Variants in CD28 observed in about 807,000 individuals in gnomAD.
CD28 encodes the protein CD28 molecule, also known as T-cell-specific surface glycoprotein CD28.
CD28 carries 8 observed loss-of-function variants against 21.4 expected under a neutral mutation model. That is an observed-to-expected ratio of 0.37 (90% CI 0.22 to 0.68). CD28 has a LOEUF of 0.68. CD28 is among the 30% of genes least tolerant of loss of function. The probability of loss-of-function intolerance (pLI) is 0.55; values close to 1 mark genes in which losing one functional copy is unlikely to be tolerated. For synonymous variants in CD28, 106 were observed against 104.0 expected (o/e 1.02, Z -0.12); for missense variants, 239 against 272.2 (o/e 0.88, Z 0.86).
chr2:203,729,105 G>C (rs1000319800), intron 2 of CD28, among the ~76,000 whole-genome samples: 7 of 152,022 alleles, frequency 4.6e-5, no homozygotes, highest in Non-Finnish European at 1.0e-4. Context: ...AATTCTATAG[G>C]TTCCTTCTCA....
intron 2 of CD28, among the ~76,000 whole-genome samples, chr2:203,728,651 A>G (rs1559556186): frequency 6.6e-6 from 1 of 152,230 alleles, no homozygotes; most frequent in Non-Finnish European, 1.5e-5. Flanking sequence ...TAGATTTCTA[A>G]TATCTGTAAT....
Position 203,735,144 on chromosome 2 carries a change from A to G in CD28, c.*232A>G, listed in dbSNP as rs1423525796. The stretch of plus-strand genomic sequence containing the variant: ...CAAGTCTTACAGTGCCATGGCCCAC[A>G]TTCCAACTTACCATGTACTTAGTGA... On this transcript the variant is annotated 3_prime_UTR_variant, in exon 4 of 4. Transcript: ENST00000324106. 1.8e-6 allele frequency: 1 copy of G among 545,716 alleles called. No individual in the cohort carries two copies. The highest frequency in any genetic ancestry group is 3.2e-6 in the Non-Finnish European group (1 of 311,108). The allele number at this position is 545,716 out of a possible 1,614,324, so 33.8% of individuals were successfully genotyped here.
At position 203,736,979 on chromosome 2, in the gene CD28, G is replaced by A. The variant is rs1694054914; in HGVS notation, c.*2067G>A. On this transcript the variant is annotated 3_prime_UTR_variant, in exon 4 of 4. Transcript: ENST00000324106. ...ACTGGGCAATAGCCTAAGAAGGGGGGAATATTGTAACACAAATTTAAACCC... is the reference window on the plus strand; with the variant it reads ...ACTGGGCAATAGCCTAAGAAGGGGGAAATATTGTAACACAAATTTAAACCC... 6.6e-6 allele frequency: 1 copy of A among 152,184 alleles called. No individual in the cohort carries two copies. Among genetic ancestry groups the A allele is most frequent in the Non-Finnish European group, 1.5e-5 (1 of 68,030 alleles). The allele number at this position is 152,184 out of a possible 1,614,324, so 9.4% of individuals were successfully genotyped here. A position where few individuals can be genotyped will look rare whatever the true frequency, so the allele number is the denominator to read the frequency against.
intron 2 of CD28, among the ~76,000 whole-genome samples, chr2:203,727,687 T>C (rs1581514198): frequency 4.2e-4 from 3 of 7,072 alleles, no homozygotes; most frequent in Middle Eastern, 0.2. Flanking sequence ...AATTAATTAA[T>C]TTTTTTTTTT....
intron 1 of CD28, among the ~76,000 whole-genome samples, chr2:203,716,873 C>T (rs776907144): frequency 3.2e-4 from 49 of 152,134 alleles, no homozygotes; most frequent in Non-Finnish European, 4.6e-4. Context: ...CTTTGTTGCT[C>T]AGGCTGGAGT....
At chr2:203,726,208 C>T (rs552216218) in intron 1 of CD28, among the ~76,000 whole-genome samples, 16 of 152,266 alleles carry the variant, frequency 1.1e-4, no homozygotes, top group African/African-American at 3.6e-4. Flanking sequence ...AAGACTCTGT[C>T]TCAAAAACAA....
intron 1 of CD28, among the ~76,000 whole-genome samples, chr2:203,711,747 G>A (rs951100563): frequency 5.3e-5 from 8 of 152,122 alleles, no homozygotes; most frequent in African/African-American, 1.7e-4. Flanking sequence ...TAGACTTTTC[G>A]TGAAAGATCC....
chr2:203,727,476 CT>C (rs1413979239), intron 2 of CD28, among the ~76,000 whole-genome samples: 3 of 117,470 alleles, frequency 2.6e-5, no homozygotes, highest in Non-Finnish European at 3.9e-5. Context: ...CTTTTCTTTT[CT>C]TTTTCTTTTT....
chr2:203,719,987 A>AAG (rs1693563463), intron 1 of CD28, among the ~76,000 whole-genome samples: 1 of 152,022 alleles, frequency 6.6e-6, no homozygotes, highest in Admixed American at 6.6e-5. Context: ...GTAAACGGCA[A>AAG]GAGTTGTTTT....
chr2:203,726,794 T>C lies in CD28; in HGVS notation c.214T>C (p.Tyr72His), dbSNP rs1490784783. The C allele has an allele frequency of 1.2e-6, 2 of 1,614,194 alleles. No individual in the cohort carries two copies. Among genetic ancestry groups the C allele is most frequent in the Non-Finnish European group, 8.5e-7 (1 of 1,180,030 alleles). The change falls in exon 2 of 4, where the codon TAC becomes CAC. Residue 72 changes from tyrosine (Y) to histidine (H), a missense_variant. Tyr to His is a moderately conservative substitution (Grantham distance 83, BLOSUM62 2). Transcript: ENST00000324106. ...AVEVCVVYGN[Y>H]SQQLQVYSKT... ...GGAAGTCTGTGTTGTATATGGGAAT[T>C]ACTCCCAGCAGCTTCAGGTTTACTC... is the stretch of plus-strand genomic sequence containing the variant.
intron 2 of CD28, among the ~76,000 whole-genome samples, 190 bp downstream of exon 2, chr2:203,727,179 C>A (rs1693774002): frequency 6.6e-6 from 1 of 152,112 alleles, no homozygotes; most frequent in African/African-American, 2.4e-5. Flanking sequence ...TTTTGAATAT[C>A]TTTATTTTCC....
At chr2:203,724,421 G>GA (rs949640383) in intron 1 of CD28, among the ~76,000 whole-genome samples, 2 of 151,814 alleles carry the variant, frequency 1.3e-5, no homozygotes, top group Admixed American at 1.3e-4. Context: ...CTAAAATAAA[G>GA]AAAAAAAACT....
At position 203,734,807 on chromosome 2, in the gene CD28, C is replaced by G. The variant is rs531576854; in HGVS notation, c.558C>G (p.Leu186=). 3.1e-6 allele frequency: 5 copies of G among 1,614,230 alleles called. No individual in the cohort carries two copies. In the South Asian group the frequency reaches 4.4e-5, roughly 14 times the overall value. Residue 186 remains leucine (L), a synonymous_variant, in exon 4 of 4, where the codon CTC becomes CTG. Transcript: ENST00000324106. The part of the protein sequence containing the change: ...IFWVRSKRSR[L]LHSDYMNMTP... ...AGGTGAGGAGTAAGAGGAGCAGGCT[C>G]CTGCACAGTGACTACATGAACATGA... is the stretch of plus-strand genomic sequence containing the variant.
In CD28 at chr2:203,734,881, C is replaced by T. The variant is rs762144222; in HGVS notation, c.632C>T (p.Pro211Leu). Residue 211 changes from proline (P) to leucine (L), a missense_variant, in exon 4 of 4, where the codon CCA (proline) becomes CTA (leucine). This residue lies in a region of CD28 where 112 missense variants were observed against 112.8 expected (regional missense o/e 0.99). Coordinates refer to ENST00000324106, the MANE Select transcript of CD28 (RefSeq NM_006139.4). The part of the protein sequence containing the change: ...PTRKHYQPYA[P>L]PRDFAAYRS Reference sequence around the variant, plus strand: ...CGCAAGCATTACCAGCCCTATGCCCCACCACGCGACTTCGCAGCCTATCGC... The same window carrying T: ...CGCAAGCATTACCAGCCCTATGCCCTACCACGCGACTTCGCAGCCTATCGC... 2 of 1,614,208 alleles carry T rather than the reference C, an allele frequency of 1.2e-6. No homozygotes were observed. The highest frequency in any genetic ancestry group is 1.7e-6 in the Non-Finnish European group (2 of 1,180,034).
rs763432798 is a variant in CD28, at chr2:203,734,784, G to A, written c.535G>A (p.Val179Met). The change falls in exon 4 of 4, where the codon GTG (valine) becomes ATG (methionine). Residue 179 changes from valine (V) to methionine (M), a missense_variant and splice_region_variant. Physicochemically the swap from Val to Met is conservative, Grantham distance 21 (BLOSUM62 1). Around this residue, in one of 3 missense-constraint regions of CD28, gnomAD observed 112 missense variants for 112.8 expected, o/e 0.99. Coordinates refer to ENST00000324106, the MANE Select transcript of CD28 (RefSeq NM_006139.4). ...ATACTGACACTTCTCTTTCCTGCAG[G>A]TGAGGAGTAAGAGGAGCAGGCTCCT... is the stretch of plus-strand genomic sequence containing the variant. Reference protein sequence around the residue: ...LVTVAFIIFWVRSKRSRLLHS... With the variant: ...LVTVAFIIFWMRSKRSRLLHS... 4 of 1,614,144 alleles carry A rather than the reference G, an allele frequency of 2.5e-6. No homozygotes were observed. The South Asian group carries it at 3.3e-5, about 13-fold the overall frequency.
At chr2:203,731,852 C>A (rs931279413) in intron 3 of CD28, among the ~76,000 whole-genome samples, 11 of 152,164 alleles carry the variant, frequency 7.2e-5, no homozygotes, top group African/African-American at 2.7e-4. Context: ...TTACAGACCC[C>A]CTGTGAATTG....
At chr2:203,731,533 T>G (rs1208598919) in intron 3 of CD28, among the ~76,000 whole-genome samples, 3 of 152,214 alleles carry the variant, frequency 2.0e-5, no homozygotes, top group African/African-American at 7.2e-5. Context: ...AGTAATTTAC[T>G]AGCTCTGCAG....
rs1581524948 is a variant in CD28 at position 203,738,442 on chromosome 2, G to A, written c.*3530G>A. On this transcript the variant is annotated 3_prime_UTR_variant, in exon 4 of 4. Coordinates refer to ENST00000324106, the MANE Select transcript of CD28 (RefSeq NM_006139.4). ...AGACTTATTAATAATCCAGGTCAAAGAGAGTGACACACACTCTCTCAAGAC... is the reference window on the plus strand; with the variant it reads ...AGACTTATTAATAATCCAGGTCAAAAAGAGTGACACACACTCTCTCAAGAC... 1 of 152,190 alleles carries A rather than the reference G, an allele frequency of 6.6e-6. No individual in the cohort carries two copies. The highest frequency in any genetic ancestry group is 2.1e-4 in the South Asian group (1 of 4,824). The allele number at this position is 152,190 out of a possible 1,614,324, so 9.4% of individuals were successfully genotyped here.
chr2:203,732,501 T>C (rs1693920094), intron 3 of CD28, among the ~76,000 whole-genome samples: 1 of 152,242 alleles, frequency 6.6e-6, no homozygotes, highest in Non-Finnish European at 1.5e-5. Context: ...AGGTAGTGTC[T>C]GCTTTTTATA....
Sources: allele counts gnomAD v4.1 joint callset (sites outside exome capture counted in the v4.1 genomes callset), GRCh38; gene constraint gnomAD v4.1.1; regional missense constraint gnomAD v4.1.1; transcripts MANE v1.5; gene names NCBI Gene and HGNC (gene_info 2026-07-23, HGNC 2026-07-21).